Variants in POM121 observed in about 807,000 individuals in gnomAD.
POM121 encodes nuclear envelope pore membrane protein POM 121.
A neutral mutation model predicts 81.3 loss-of-function variants in POM121; 32 were observed. That is an observed-to-expected ratio of 0.39 (90% CI 0.30 to 0.53). The LOEUF is 0.53. Ranked by LOEUF, POM121 falls within the 20% of genes least tolerant of loss-of-function variation. The pLI, the probability that POM121 is intolerant of heterozygous loss-of-function variation, is 0.66. For synonymous variants in POM121, 514 were observed against 694.2 expected (o/e 0.74, Z 4.08); for missense variants, 1,138 against 1,614.6 (o/e 0.70, Z 5.06).
Position 72,943,443 on chromosome 7 carries a change from C to T in POM121, c.3450C>T (p.Asn1150=), listed in dbSNP as rs782388533. 33 of 1,612,720 alleles carry T rather than the reference C, an allele frequency of 2.0e-5. No homozygotes were observed. The highest frequency in any genetic ancestry group is 1.8e-4 in the Admixed American group (11 of 59,926). ...STPFAGGLGQ[N]ALGTTGQSTP... ...CCTTCGCAGGGGGCTTAGGTCAGAA[C>T]GCCCTGGGCACCACCGGCCAGAGCA... Residue 1150 remains asparagine, a synonymous_variant, in exon 11 of 13, where the codon AAC becomes AAT. Coordinates refer to ENST00000434423, the MANE Select transcript of POM121 (RefSeq NM_001387691.1).
At chr7:72,889,755 C>T (rs1268417002) in intron 1 of POM121, among the ~76,000 whole-genome samples, 7 of 152,170 alleles carry the variant, frequency 4.6e-5, no homozygotes, top group African/African-American at 1.2e-4. Context: ...TGAGCTCAAA[C>T]GATCTTCCCA....
upstream of POM121, among the ~76,000 whole-genome samples, chr7:72,921,526 G>C (rs1794818778): frequency 6.6e-6 from 1 of 152,224 alleles, no homozygotes; most frequent in African/African-American, 2.4e-5. Flanking sequence ...ATTATCCCCA[G>C]GTAGAGGAAC....
intron 1 of POM121, among the ~76,000 whole-genome samples, chr7:72,882,209 G>A (rs1329781953): frequency 6.6e-6 from 1 of 152,120 alleles, no homozygotes; most frequent in Non-Finnish European, 1.5e-5. Context: ...CACGTCTGCA[G>A]GCTCTATCAT....
At chr7:72,914,516 T>C (rs531989568) in intron 4 of POM121, among the ~76,000 whole-genome samples, 17 of 147,784 alleles carry the variant, frequency 1.2e-4, no homozygotes, top group African/African-American at 4.2e-4. Flanking sequence ...TTTAACTTTT[T>C]GTAGAGATAG....
Position 72,891,065 on chromosome 7 carries a change from G to A in POM121, c.-261G>A, listed in dbSNP as rs1223677099. ...CATCATTAAGTTGGAGCAGGGAGAG[G>A]AGCTGTGGATAACGGGAGGTGAATT... is the stretch of plus-strand genomic sequence containing the variant. On this transcript the variant is annotated 5_prime_UTR_variant, in exon 3 of 16. Coordinates refer to the POM121 transcript ENST00000395270. The A allele has an allele frequency of 2.1e-4, 211 of 997,024 alleles. 2 individuals are homozygous for A. The highest frequency in any genetic ancestry group is 4.7e-5 in the Non-Finnish European group (30 of 639,864). The allele number at this position is 997,024 out of a possible 1,614,324, so 61.8% of individuals were successfully genotyped here. A position where few individuals can be genotyped will look rare whatever the true frequency, so the allele number is the denominator to read the frequency against.
chr7:72,925,679 G>T lies in POM121; in HGVS notation c.558G>T (p.Pro186=). 2.1e-5 allele frequency: 2 copies of T among 95,280 alleles called. No homozygotes were observed. The highest frequency in any genetic ancestry group is 2.6e-5 in the Non-Finnish European group (2 of 78,234). 5.9% of individuals were successfully genotyped at this position (95,280 alleles called of 1,614,324 possible). A position where few individuals can be genotyped will look rare whatever the true frequency, so the allele number is the denominator to read the frequency against. ...GCTCCCCACCGCCGCGCTCCCCCCC[G>T]CCCTCCCCGCCGACCCATCGCGCTC... is the stretch of plus-strand genomic sequence containing the variant. The part of the protein sequence containing the change: ...PPRSPPPRSP[P]PSPPTHRAHH... Residue 186 remains proline, a synonymous_variant, in exon 1 of 13, where the codon CCG becomes CCT. Coordinates refer to ENST00000434423, the MANE Select transcript of POM121 (RefSeq NM_001387691.1).
intron 3 of POM121, among the ~76,000 whole-genome samples, chr7:72,904,277 C>T (rs1793013330): frequency 6.6e-6 from 1 of 152,248 alleles, no homozygotes; most frequent in Admixed American, 6.5e-5. Context: ...GTCTGAATTT[C>T]AGTACCCGAA....
chr7:72,904,672 CT>C (rs1554493137), intron 3 of POM121, among the ~76,000 whole-genome samples: 2 of 152,130 alleles, frequency 1.3e-5, no homozygotes, highest in African/African-American at 4.8e-5. Context: ...TTTGAAGTTG[CT>C]TTTTTCTTGA....
In POM121 at chr7:72,935,419, C is replaced by T. The variant is rs182543306; in HGVS notation, c.1276-3171C>T. On this transcript the variant is annotated intron_variant, in intron 5 of 12. Coordinates refer to ENST00000434423, the MANE Select transcript of POM121 (RefSeq NM_001387691.1). ...CAAACTCCTGAGCTCAAGCAATCTT[C>T]CCACCTTGGCCTCCCTGAGTGCTGG... Among the ~76,000 whole-genome samples, 448 of 152,352 alleles carry T rather than the reference C, an allele frequency of 2.9e-3. 2 individuals are homozygous for T. The highest frequency in any genetic ancestry group is 0.01 in the African/African-American group (420 of 41,572).
At position 72,882,952 on chromosome 7, in the gene POM121, C is replaced by T. The variant is rs548958562; in HGVS notation, c.-521+3067C>T. ...CGTTACTTCCAAACTGATATTTTCT[C>T]CATGGAGTCTCTCTTTTCTTGGCTT... On this transcript the variant is annotated intron_variant, in intron 1 of 15. Transcript: ENST00000395270. 6.8e-3 allele frequency among the ~76,000 whole-genome samples: 1,035 copies of T among 152,256 alleles called. 14 individuals are homozygous for T. The highest frequency in any genetic ancestry group is 0.024 in the African/African-American group (1,008 of 41,546).
In POM121 at chr7:72,925,430, A is replaced by G. The variant is rs1795303036; in HGVS notation, c.309A>G (p.Arg103=). The change falls in exon 1 of 13, where the codon CGA becomes CGG. Residue 103 remains arginine, a synonymous_variant. Coordinates refer to ENST00000434423, the MANE Select transcript of POM121 (RefSeq NM_001387691.1). The stretch of plus-strand genomic sequence containing the variant: ...TCGTTCGGAAGGCGCGTCATCGGCG[A>G]ACACTGTTCGCTTCGCCTCTGGCCA... ...SSFVRKARHR[R]TLFASPLAKS... is the part of the protein sequence containing the mutation. 6.5e-7 allele frequency: 1 copy of G among 1,533,708 alleles called. No individual in the cohort carries two copies. The highest frequency in any genetic ancestry group is 8.7e-7 in the Non-Finnish European group (1 of 1,146,620).
upstream of POM121, chr7:72,924,974 A>T (rs1296939246): frequency 7.7e-7 from 1 of 1,295,442 alleles, no homozygotes; most frequent in Non-Finnish European, 9.8e-7. Context: ...GGCAGGCGGC[A>T]TTTTCCAAAC....
chr7:72,879,410 C>G, exon 1 of POM121: 1 of 202,792 alleles, frequency 4.9e-6, no homozygotes, highest in South Asian at 6.8e-5. Flanking sequence ...AGTTCCCAGG[C>G]TTTGGCCTCT....
chr7:72,879,734 G>C (rs1789940926), exon 1 of POM121: 5 of 468,510 alleles, frequency 1.1e-5, no homozygotes, highest in Non-Finnish European at 2.1e-5. Flanking sequence ...GCCTGGATTT[G>C]CCCCGTAGGC....
intron 3 of POM121, among the ~76,000 whole-genome samples, chr7:72,906,306 C>T (rs111530380): frequency 0.94 from 143,090 of 152,258 alleles, 67,348 homozygotes; most frequent in African/African-American, 0.99. Flanking sequence ...AGAGACCCAT[C>T]GGACCCACCA....
chr7:72,943,893 A>G (rs1256964817), intron 11 of POM121, among the ~76,000 whole-genome samples: 6 of 152,246 alleles, frequency 3.9e-5, no homozygotes, highest in African/African-American at 1.4e-4. Context: ...CCAAAAAATT[A>G]GCCGGGCGTG....
chr7:72,929,071 G>A (rs1439922510), intron 4 of POM121, among the ~76,000 whole-genome samples: 2 of 152,156 alleles, frequency 1.3e-5, no homozygotes, highest in African/African-American at 4.8e-5. Flanking sequence ...GTACACAAAC[G>A]GAAATTCATT....
intron 4 of POM121, 144 bp from the exon 5 acceptor site, chr7:72,929,796 A>C: frequency 7.8e-7 from 1 of 1,279,386 alleles, no homozygotes; most frequent in East Asian, 2.7e-5. Flanking sequence ...TTTGTCAGAT[A>C]GATTTGGCCA....
intron 6 of POM121, 86 bp downstream of exon 6, chr7:72,938,767 T>C (rs1796772964): frequency 6.3e-6 from 9 of 1,434,804 alleles, no homozygotes; most frequent in Non-Finnish European, 6.9e-6. Context: ...GCTCTTAGGC[T>C]TTGTGCTGCT....
Sources: gnomAD v4.1 joint callset for allele counts (sites outside exome capture counted in the v4.1 genomes callset) on GRCh38, gnomAD v4.1.1 for gene constraint, MANE v1.5 for transcripts, NCBI Gene and HGNC (gene_info 2026-07-23, HGNC 2026-07-21) for gene names.